The following SBNO2 variants were observed in gnomAD, a reference collection of about 807,000 sequenced individuals.
The protein encoded by SBNO2 is strawberry notch homolog 2.
A neutral mutation model predicts 146.3 loss-of-function variants in SBNO2; 89 were observed. The ratio of observed to expected loss-of-function variants is 0.61; its 90% CI spans 0.51 to 0.73. SBNO2 has a LOEUF of 0.73. Among genes scored for constraint, SBNO2 ranks in the 30% least tolerant of loss-of-function variants. SBNO2 has a pLI of 0.00. For synonymous variants in SBNO2, 1,147 were observed against 892.6 expected (o/e 1.29, Z -5.08); for missense variants, 2,092 against 2,003.7 (o/e 1.04, Z -0.84).
At chr19:1,168,646 C>G (rs1037945819) in intron 1 of SBNO2, 1 of 152,304 alleles carries the variant, frequency 6.6e-6, no homozygotes, top group Non-Finnish European at 1.5e-5. Context: ...GCACCGGAAG[C>G]CAGGCGGCGA....
intron 4 of SBNO2, among the ~76,000 whole-genome samples, chr19:1,135,183 G>C (rs1178187294): frequency 9.9e-5 from 15 of 151,572 alleles, no homozygotes; most frequent in Admixed American, 9.9e-4. Context: ...GCAACATAGT[G>C]AGATCCCATC....
chr19:1,117,390 T>C lies in SBNO2; in HGVS notation c.1637A>G (p.Tyr546Cys). The change falls in exon 15 of 32, where the codon TAT becomes TGT. Residue 546 changes from tyrosine (Y) to cysteine (C), a missense_variant. Tyr to Cys is a radical substitution (Grantham distance 194). Coordinates refer to ENST00000361757, the MANE Select transcript of SBNO2 (RefSeq NM_014963.3). ...FWSAHQRFFK[Y>C]LCIAAKVRRL... ...GCGCACCTTGGCTGCGATGCACAGA[T>C]ACTTGAAGAAGCGCTGGTGTGCCGA... is the stretch of plus-strand genomic sequence containing the variant. 1.9e-6 allele frequency: 3 copies of C among 1,589,702 alleles called. No individual in the cohort carries two copies. The highest frequency in any genetic ancestry group is 2.6e-6 in the Non-Finnish European group (3 of 1,169,452).
intron 3 of SBNO2, 31 bp downstream of exon 3, chr19:1,149,338 G>A: frequency 6.5e-7 from 1 of 1,541,174 alleles, no homozygotes; most frequent in South Asian, 1.2e-5. Flanking sequence ...AGCAAGCCTG[G>A]GGGCCAGGCG....
At chr19:1,159,781 G>A (rs1407594112) in intron 1 of SBNO2, among the ~76,000 whole-genome samples, 11 of 111,438 alleles carry the variant, frequency 9.9e-5, no homozygotes, top group South Asian at 7.3e-4. Flanking sequence ...GGGGGCAGTG[G>A]GGGACAGTGG....
At position 1,109,535 on chromosome 19, in the gene SBNO2, G is replaced by A. The variant is rs777123391; in HGVS notation, c.3187C>T (p.Pro1063Ser). 16 of 1,601,476 alleles carry A rather than the reference G, an allele frequency of 1.0e-5. No homozygotes were observed. The highest frequency in any genetic ancestry group is 1.3e-5 in the Non-Finnish European group (15 of 1,175,232). ...TAGGAGAGGTAGAAGCCGTCATAGGGGCCCGTCAGCGCCAGCGACTTGGCA... is the reference window on the plus strand; with the variant it reads ...TAGGAGAGGTAGAAGCCGTCATAGGAGCCCGTCAGCGCCAGCGACTTGGCA... Reference protein sequence around the residue: ...AFAKSLALTGPYDGFYLSYKV... With the variant: ...AFAKSLALTGSYDGFYLSYKV... The change falls in exon 28 of 32, where the codon CCC (proline) becomes TCC (serine). Residue 1063 changes from proline to serine, a missense_variant. Coordinates refer to ENST00000361757, the MANE Select transcript of SBNO2 (RefSeq NM_014963.3). The surrounding 1 kb of genome is among the most constrained non-coding windows in gnomAD (Gnocchi z 4.2).
intron 1 of SBNO2, among the ~76,000 whole-genome samples, chr19:1,172,980 C>A (rs1197644169): frequency 2.6e-5 from 3 of 113,842 alleles, no homozygotes; most frequent in African/African-American, 1.0e-4. Flanking sequence ...CCCGGCTACA[C>A]ATTTAAGAGA....
Position 1,157,534 on chromosome 19 carries a change from C to G in SBNO2, c.-126-3132G>C, listed in dbSNP as rs574961644. ...CCCTGCCTGGTTTTATTTTTGGGCGCGAGTCCCATGACTGGAGGGATGCGT... is the reference window on the plus strand; with the variant it reads ...CCCTGCCTGGTTTTATTTTTGGGCGGGAGTCCCATGACTGGAGGGATGCGT... On this transcript the variant is annotated intron_variant, in intron 1 of 31. Coordinates refer to ENST00000361757, the MANE Select transcript of SBNO2 (RefSeq NM_014963.3). The surrounding 1 kb of genome is among the most constrained non-coding windows in gnomAD (Gnocchi z 6.8). 1.3e-3 allele frequency among the ~76,000 whole-genome samples: 194 copies of G among 144,950 alleles called. 1 individual carries two copies. The highest frequency in any genetic ancestry group is 4.7e-3 in the African/African-American group (186 of 39,920).
At chr19:1,160,352 A>T (rs887035363) in intron 1 of SBNO2, among the ~76,000 whole-genome samples, 1 of 152,002 alleles carries the variant, frequency 6.6e-6, no homozygotes, top group East Asian at 1.9e-4. Flanking sequence ...AACCACTCCC[A>T]CACCCCTGCC....
intron 24 of SBNO2, 112 bp downstream of exon 24, chr19:1,111,394 G>A (rs2079758127): frequency 2.5e-6 from 2 of 786,978 alleles, no homozygotes; most frequent in Non-Finnish European, 4.2e-6. Context: ...TGTGTGGGGA[G>A]GGGTCACTCA....
rs1348222037 is a variant in SBNO2, at chr19:1,108,238, G to A, written c.4083C>T (p.Gly1361=). The A allele has an allele frequency of 3.9e-6, 6 of 1,526,952 alleles. No homozygotes were observed. Among genetic ancestry groups the A allele is most frequent in the African/African-American group, 1.4e-5 (1 of 70,498 alleles). 94.6% of individuals were successfully genotyped at this position (1,526,952 alleles called of 1,614,324 possible). A position where few individuals can be genotyped will look rare whatever the true frequency, so the allele number is the denominator to read the frequency against. ...SVIQFSPPFP[G]AQAPL ...AGGCGTGTCAGAGAGGAGCCTGGGCGCCGGGGAAGGGTGGGCTGAACTGGA... is the reference window on the plus strand; with the variant it reads ...AGGCGTGTCAGAGAGGAGCCTGGGCACCGGGGAAGGGTGGGCTGAACTGGA... Residue 1361 remains glycine, a synonymous_variant, in exon 32 of 32, where the codon GGC becomes GGT. Transcript: ENST00000361757.
chr19:1,116,173 T>C, intron 16 of SBNO2, 70 bp from the exon 17 acceptor site: 1 of 1,432,428 alleles, frequency 7.0e-7, no homozygotes, highest in Non-Finnish European at 9.6e-7. Context: ...CTCCAGGAGC[T>C]GGACGCACCC....
intron 1 of SBNO2, among the ~76,000 whole-genome samples, chr19:1,172,521 G>A (rs2080487823): frequency 1.3e-5 from 2 of 152,164 alleles, no homozygotes; most frequent in African/African-American, 4.8e-5. Context: ...TGTCCCCGCT[G>A]CTCCTCTTCC....
At chr19:1,113,826 G>A (rs1005083978) in intron 18 of SBNO2, 122 bp from the exon 19 acceptor site, 1 of 1,281,262 alleles carries the variant, frequency 7.8e-7, no homozygotes, top group East Asian at 3.1e-5. Context: ...GGGACGGCAG[G>A]GTGGCGGGGA....
intron 24 of SBNO2, 69 bp from the exon 25 acceptor site, chr19:1,111,162 T>G: frequency 6.7e-7 from 1 of 1,485,602 alleles, no homozygotes; most frequent in South Asian, 1.3e-5. Flanking sequence ...CCTAGCTCCT[T>G]TTCCAGAGAC....
At chr19:1,123,748 G>A (rs1456528513) in intron 6 of SBNO2, 109 bp from the exon 7 acceptor site, 2 of 1,197,686 alleles carry the variant, frequency 1.7e-6, no homozygotes, top group African/African-American at 3.0e-5. Flanking sequence ...GAGTGACCCA[G>A]GGGTGGGAGA....
intron 1 of SBNO2, among the ~76,000 whole-genome samples, chr19:1,171,650 C>T (rs1599893525): frequency 6.6e-6 from 1 of 152,178 alleles, no homozygotes; most frequent in Non-Finnish European, 1.5e-5. Flanking sequence ...GGCGTTTCCG[C>T]ATGGGCCCTG....
At chr19:1,122,062 C>A in intron 11 of SBNO2, 77 bp downstream of exon 11, 1 of 1,016,790 alleles carries the variant, frequency 9.8e-7, no homozygotes, top group Non-Finnish European at 1.3e-6. Flanking sequence ...CACCCCTCCT[C>A]TCCCACTCCT....
chr19:1,138,507 C>T (rs2080105666), intron 4 of SBNO2, among the ~76,000 whole-genome samples: 1 of 152,038 alleles, frequency 6.6e-6, no homozygotes, highest in African/African-American at 2.4e-5. Flanking sequence ...CAACCCATAC[C>T]TACTCCTGGG....
Position 1,109,858 on chromosome 19 carries a change from G to T in SBNO2, c.3029-81C>A. ...CCAGGGTCAGTCCCGTAGCCGGGGC[G>T]CACCCTAGAGACGACCCCCCGAGAG... On this transcript the variant is annotated intron_variant, in intron 26 of 31. Coordinates refer to ENST00000361757, the MANE Select transcript of SBNO2 (RefSeq NM_014963.3). This position sits in a 1 kb window ranked among gnomAD's most constrained non-coding sequence, Gnocchi z 4.2. 1 of 1,063,562 alleles carries T rather than the reference G, an allele frequency of 9.4e-7. No individual in the cohort carries two copies. The highest frequency in any genetic ancestry group is 1.4e-6 in the Non-Finnish European group (1 of 734,434). The allele number at this position is 1,063,562 out of a possible 1,614,324, so 65.9% of individuals were successfully genotyped here. A position where few individuals can be genotyped will look rare whatever the true frequency, so the allele number is the denominator to read the frequency against.
Sources: allele counts gnomAD v4.1 joint callset (sites outside exome capture counted in the v4.1 genomes callset), GRCh38; gene constraint gnomAD v4.1.1; non-coding constraint Gnocchi (gnomAD v3.1); transcripts MANE v1.5; gene names NCBI Gene and HGNC (gene_info 2026-07-23, HGNC 2026-07-21).